The following CR1 variants were observed in gnomAD, a reference collection of about 807,000 sequenced individuals.
The protein encoded by CR1 is complement receptor type 1.
CR1 carries 116 observed loss-of-function variants against 187.3 expected under a neutral mutation model. The ratio of observed to expected loss-of-function variants is 0.62; its 90% CI spans 0.53 to 0.72. The LOEUF (loss-of-function observed/expected upper bound fraction) is 0.72. Among genes scored for constraint, CR1 ranks in the 30% least tolerant of loss-of-function variants. The pLI, the probability that CR1 is intolerant of heterozygous loss-of-function variation, is 0.00. For missense variants in CR1, 1,731 were observed against 2,110.7 expected (o/e 0.82, Z 3.52); for synonymous variants, 576 against 747.1 (o/e 0.77, Z 3.73).
intron 46 of CR1, among the ~76,000 whole-genome samples, chr1:207,637,951 T>C (rs1045789156): frequency 1.3e-5 from 2 of 152,244 alleles, no homozygotes; most frequent in Admixed American, 6.5e-5. Flanking sequence ...ATTTTTATTA[T>C]CTTTCCACCA....
At chr1:207,564,357 T>C in intron 23 of CR1, 123 bp downstream of exon 23, 3 of 1,495,770 alleles carry the variant, frequency 2.0e-6, no homozygotes, top group South Asian at 1.2e-5. Context: ...TTCAGAGAGA[T>C]GAACTTTCGA....
At chr1:207,609,827 T>C (rs1661869276) in intron 37 of CR1, 139 bp downstream of exon 37, 3 of 892,702 alleles carry the variant, frequency 3.4e-6, no homozygotes, top group Non-Finnish European at 4.7e-6. Context: ...GTTATCTCTG[T>C]TAATAATTGT....
chr1:207,570,172 C>CTTTATA, intron 27 of CR1: 1 of 521,428 alleles, frequency 1.9e-6, no homozygotes, highest in Non-Finnish European at 3.1e-6. Flanking sequence ...ATGCTGTTCA[C>CTTTATA]TGGATGGGAA....
chr1:207,508,779 C>T (rs1659527231), intron 3 of CR1, among the ~76,000 whole-genome samples: 1 of 151,918 alleles, frequency 6.6e-6, no homozygotes, highest in South Asian at 2.1e-4. Context: ...CCCCTCAGAT[C>T]ACTACCCCTT....
In CR1 at chr1:207,639,408, G is replaced by C; in HGVS notation, c.7469G>C (p.Ter2490SerextTer88). 1 of 1,598,750 alleles carries C rather than the reference G, an allele frequency of 6.3e-7. No individual in the cohort carries two copies. Among genetic ancestry groups the C allele is most frequent in the South Asian group, 1.1e-5 (1 of 88,242 alleles). The part of the protein sequence containing the change: ...TNEENSRVLP[*>S] Reference sequence around the variant, plus strand: ...TCCTGTTATTTCAGGGTCCTTCCTTGACAAAGTACTATACAGCTGAAGAAC... The same window carrying C: ...TCCTGTTATTTCAGGGTCCTTCCTTCACAAAGTACTATACAGCTGAAGAAC... The change falls in exon 47 of 47, where the codon TGA becomes TCA. Residue 2490 changes from the stop codon to serine (S), a stop_lost. Coordinates refer to ENST00000367049, the MANE Select transcript of CR1 (RefSeq NM_000651.6).
intron 46 of CR1, among the ~76,000 whole-genome samples, chr1:207,631,156 A>C (rs1193568418): frequency 6.6e-6 from 1 of 152,206 alleles, no homozygotes; most frequent in Non-Finnish European, 1.5e-5. Flanking sequence ...TATTCAAAGC[A>C]GGCTTACTGC....
At chr1:207,526,384 T>C (rs554344498) in intron 5 of CR1, among the ~76,000 whole-genome samples, 1 of 151,628 alleles carries the variant, frequency 6.6e-6, no homozygotes, top group South Asian at 2.1e-4. Context: ...AAATTGGTGA[T>C]GCCTTTCTAG....
In CR1 at chr1:207,581,989, T is replaced by C; in HGVS notation, c.5288T>C (p.Val1763Ala). 6.2e-7 allele frequency: 1 copy of C among 1,611,856 alleles called. No individual in the cohort carries two copies. The change falls in exon 32 of 47, where the codon GTT becomes GCT. Residue 1763 changes from valine to alanine, a missense_variant. This residue lies in a region of CR1 where 1,312 missense variants were observed against 1,379.6 expected (regional missense o/e 0.95). Transcript: ENST00000367049. ...ATGAGAAGCCTTTGGAATAACAGTG[T>C]TCCTGTGTGTGAACGTGAGTAGATG... ...VGMRSLWNNS[V>A]PVCEHIFCPN...
At chr1:207,564,800 A>G (rs937417746) in intron 23 of CR1, among the ~76,000 whole-genome samples, 3 of 150,140 alleles carry the variant, frequency 2.0e-5, no homozygotes, top group African/African-American at 7.6e-5. Flanking sequence ...ACTCCATCTC[A>G]GGAAAAAAAT....
chr1:207,587,596 T>G (rs1661149558), intron 34 of CR1, 31 bp downstream of exon 34: 1 of 1,601,704 alleles, frequency 6.2e-7, no homozygotes, highest in Admixed American at 1.7e-5. Flanking sequence ...AACTACTTCA[T>G]GTCTGTTAAA....
intron 3 of CR1, among the ~76,000 whole-genome samples, chr1:207,510,827 CTT>C (rs111843016): frequency 4.6e-5 from 6 of 130,874 alleles, no homozygotes; most frequent in Admixed American, 2.4e-4. Context: ...TTTTTACTTT[CTT>C]TTTTTTTTTT....
rs189557227 is a variant in CR1 at position 207,589,397 on chromosome 1, A to G, written c.5810+623A>G. ...ACTGTTAGAAGATAAACTAACAAAC[A>G]TAAAGGAATAGCATCAACATTAACA... On this transcript the variant is annotated intron_variant, in intron 35 of 46. Transcript: ENST00000367049. Among the ~76,000 whole-genome samples, 15 of 152,338 alleles carry G rather than the reference A, an allele frequency of 9.8e-5. No individual in the cohort carries two copies. In the East Asian group the frequency reaches 2.9e-3, roughly 29 times the overall value.
chr1:207,587,187 A>G (rs1661135410), intron 33 of CR1, among the ~76,000 whole-genome samples, 199 bp from the exon 34 acceptor site: 1 of 152,234 alleles, frequency 6.6e-6, no homozygotes, highest in Non-Finnish European at 1.5e-5. Flanking sequence ...GTGGTCTTCC[A>G]AATAGTAAAA....
At chr1:207,584,265 C>A (rs1017220352) in intron 32 of CR1, among the ~76,000 whole-genome samples, 1 of 152,062 alleles carries the variant, frequency 6.6e-6, no homozygotes, top group African/African-American at 2.4e-5. Flanking sequence ...CATATTTATC[C>A]TGTGCTTTAA....
intron 1 of CR1, among the ~76,000 whole-genome samples, chr1:207,501,003 A>C (rs1336061865): frequency 1.4e-5 from 2 of 143,050 alleles, no homozygotes; most frequent in African/African-American, 2.9e-5. Flanking sequence ...TGAAGGCTAA[A>C]CCATAAAAAA....
Position 207,616,691 on chromosome 1 carries a change from G to A in CR1, c.6778G>A (p.Gly2260Arg), listed in dbSNP as rs1662107980. The stretch of plus-strand genomic sequence containing the variant: ...CGCATGCGACACCCACCCAGACAGA[G>A]GGATGACCTTCAACCTCATTGGGGA... ...SYACDTHPDR[G>R]MTFNLIGESS... The change falls in exon 41 of 47, where the codon GGG becomes AGG. Residue 2260 changes from glycine to arginine, a missense_variant. This residue lies in a region of CR1 where 1,312 missense variants were observed against 1,379.6 expected (regional missense o/e 0.95). Transcript: ENST00000367049. 6.2e-7 allele frequency: 1 copy of A among 1,613,838 alleles called. No homozygotes were observed. The highest frequency in any genetic ancestry group is 1.1e-5 in the South Asian group (1 of 91,072).
intron 1 of CR1, among the ~76,000 whole-genome samples, chr1:207,503,080 C>G (rs184248478): frequency 4.6e-4 from 70 of 152,310 alleles, no homozygotes; most frequent in South Asian, 3.9e-3. Flanking sequence ...TAGAAGTCCC[C>G]TTACCCTTTT....
intron 4 of CR1, among the ~76,000 whole-genome samples, chr1:207,516,978 G>A (rs1659827287): frequency 6.6e-6 from 1 of 151,876 alleles, no homozygotes; most frequent in South Asian, 2.1e-4. Flanking sequence ...GTACAATATT[G>A]AATAGAAGAC....
At chr1:207,608,960 A>G (rs1263904954) in intron 36 of CR1, among the ~76,000 whole-genome samples, 5 of 152,170 alleles carry the variant, frequency 3.3e-5, no homozygotes, top group African/African-American at 1.2e-4. Context: ...AGGTTATTTT[A>G]ATAACCTATA....
Sources: gnomAD v4.1 joint callset for allele counts (sites outside exome capture counted in the v4.1 genomes callset) on GRCh38, gnomAD v4.1.1 for gene constraint, gnomAD v4.1.1 regional missense constraint, MANE v1.5 for transcripts, NCBI Gene and HGNC (gene_info 2026-07-23, HGNC 2026-07-21) for gene names.